The following SSBP3 variants were observed in gnomAD, a reference collection of about 807,000 sequenced individuals.
SSBP3 encodes the protein single-stranded DNA-binding protein 3.
In SSBP3, 5 loss-of-function variants were observed where a neutral mutation model predicts 69.6. The observed-to-expected ratio is 0.07, with a 90% CI of 0.04 to 0.15. SSBP3 has a LOEUF of 0.15. SSBP3 is among the 10% of genes least tolerant of loss of function. SSBP3 has a pLI of 1.00. For missense variants in SSBP3, 312 were observed against 534.0 expected, an observed-to-expected ratio of 0.58 and a Z score of 4.10; for synonymous variants, 196 against 193.4, an observed-to-expected ratio of 1.01 and a Z score of -0.11.
chr1:54,284,895 G>C (rs943707446), intron 4 of SSBP3, among the ~76,000 whole-genome samples: 9 of 152,214 alleles, frequency 5.9e-5, no homozygotes, highest in African/African-American at 2.2e-4. Flanking sequence ...ACTGAAGGTA[G>C]TGGATGGTCC....
intron 4 of SSBP3, among the ~76,000 whole-genome samples, chr1:54,289,248 T>C (rs1645561322): frequency 6.6e-6 from 1 of 152,092 alleles, no homozygotes; most frequent in African/African-American, 2.4e-5. Context: ...TTCTGACAAA[T>C]ACTTCAATGA....
intron 4 of SSBP3, among the ~76,000 whole-genome samples, chr1:54,372,518 G>A (rs1569970972): frequency 6.6e-6 from 1 of 152,096 alleles, no homozygotes; most frequent in South Asian, 2.1e-4. Context: ...CATGAGCACT[G>A]ACCACCACCT....
chr1:54,356,218 A>C (rs1205071040), intron 4 of SSBP3, among the ~76,000 whole-genome samples: 1 of 152,120 alleles, frequency 6.6e-6, no homozygotes, highest in Non-Finnish European at 1.5e-5. Context: ...AATCCCGGGG[A>C]GCTGGCCTGC....
At chr1:54,278,956 G>A (rs956286778) in intron 5 of SSBP3, among the ~76,000 whole-genome samples, 1 of 152,240 alleles carries the variant, frequency 6.6e-6, no homozygotes, top group African/African-American at 2.4e-5. Context: ...GAAATGGGCA[G>A]CCAGTACCTC....
chr1:54,381,983 C>T (rs1647690882), intron 4 of SSBP3, among the ~76,000 whole-genome samples: 1 of 152,214 alleles, frequency 6.6e-6, no homozygotes, highest in Admixed American at 6.5e-5. Context: ...CATCTGAAGT[C>T]AGGAGTTCGA....
intron 5 of SSBP3, among the ~76,000 whole-genome samples, chr1:54,276,083 TGAG>T (rs1406550365): frequency 1.3e-5 from 2 of 152,152 alleles, no homozygotes; most frequent in Admixed American, 6.5e-5. Flanking sequence ...CTGGCAGGAA[TGAG>T]GACTCAACGG....
chr1:54,332,042 C>T (rs1027102152), intron 4 of SSBP3, among the ~76,000 whole-genome samples: 1 of 152,136 alleles, frequency 6.6e-6, no homozygotes, highest in African/African-American at 2.4e-5. Context: ...CATCTTATCT[C>T]CCAGATGAGA....
intron 3 of SSBP3, among the ~76,000 whole-genome samples, chr1:54,403,437 A>G (rs1649447956): frequency 6.6e-6 from 1 of 152,184 alleles, no homozygotes; most frequent in Admixed American, 6.6e-5. Flanking sequence ...AGCCGATCAG[A>G]GCCGCCAACC....
chr1:54,274,544 C>T (rs1645251208), intron 5 of SSBP3, among the ~76,000 whole-genome samples: 1 of 152,160 alleles, frequency 6.6e-6, no homozygotes, highest in South Asian at 2.1e-4. Flanking sequence ...CTGCCTCCTG[C>T]CCCCAACCTA....
rs150463485 is a variant in SSBP3, at chr1:54,287,942, G to A, written c.277-6415C>T. 5.9e-5 allele frequency among the ~76,000 whole-genome samples: 9 copies of A among 152,234 alleles called. No individual in the cohort carries two copies. The East Asian group carries it at 1.5e-3, about 26-fold the overall frequency. On this transcript the variant is annotated intron_variant, in intron 4 of 17. Transcript: ENST00000610401. ...ACCAGCTGACGTTAAAAATAGGTTTGGATGACACACAGGAGTGACACAAGA... is the reference window on the plus strand; with the variant it reads ...ACCAGCTGACGTTAAAAATAGGTTTAGATGACACACAGGAGTGACACAAGA...
chr1:54,390,935 G>C (rs57443549), intron 4 of SSBP3, among the ~76,000 whole-genome samples: 1 of 152,364 alleles, frequency 6.6e-6, no homozygotes, highest in African/African-American at 2.4e-5. Context: ...GCACACGCCC[G>C]GCACCAGGCC....
At chr1:54,312,860 GT>G (rs985256171) in intron 4 of SSBP3, among the ~76,000 whole-genome samples, 1 of 152,140 alleles carries the variant, frequency 6.6e-6, no homozygotes, top group Non-Finnish European at 1.5e-5. Flanking sequence ...TCCAGTGGGG[GT>G]TGATTGGTCC....
chr1:54,371,748 G>A lies in SSBP3; in HGVS notation c.276+30113C>T, dbSNP rs184209699. ...GTGCTGCACTGGGCACCGTGCCCAC[G>A]TTTTATCTAATCCTGCCAAAGCTGA... is the stretch of plus-strand genomic sequence containing the variant. On this transcript the variant is annotated intron_variant, in intron 4 of 17. Transcript: ENST00000610401. Among the ~76,000 whole-genome samples the A allele has an allele frequency of 4.6e-5, 7 of 152,296 alleles. No homozygotes were observed. The East Asian group carries it at 9.7e-4, about 21-fold the overall frequency.
At chr1:54,396,992 T>C (rs988100287) in intron 4 of SSBP3, among the ~76,000 whole-genome samples, 11 of 152,160 alleles carry the variant, frequency 7.2e-5, no homozygotes, top group Non-Finnish European at 1.2e-4. Context: ...TTAAGAGGAA[T>C]TGCAGAAAAC....
intron 14 of SSBP3, chr1:54,236,444 T>C (rs1448036652): frequency 6.6e-6 from 1 of 152,204 alleles, no homozygotes; most frequent in Non-Finnish European, 1.5e-5. Context: ...TTTTTATTTT[T>C]TTGTTGCAGA....
chr1:54,359,917 G>T (rs1230041278), intron 4 of SSBP3, among the ~76,000 whole-genome samples: 1 of 151,376 alleles, frequency 6.6e-6, no homozygotes, highest in Non-Finnish European at 1.5e-5. Context: ...TCAGATCATG[G>T]GTTGATAATC....
chr1:54,253,492 T>C (rs104136), intron 7 of SSBP3, among the ~76,000 whole-genome samples: 90,816 of 152,014 alleles, frequency 0.6, 27,694 homozygotes, highest in South Asian at 0.74. Context: ...GCACCTGGCC[T>C]ACAAAGTGGC....
chr1:54,329,628 C>T (rs969907720), intron 4 of SSBP3, among the ~76,000 whole-genome samples: 20 of 152,348 alleles, frequency 1.3e-4, no homozygotes, highest in African/African-American at 4.6e-4. Context: ...ATAGGCTCTG[C>T]AAGGGTCACC....
At chr1:54,271,307 G>C (rs1451379045) in intron 5 of SSBP3, among the ~76,000 whole-genome samples, 1 of 151,956 alleles carries the variant, frequency 6.6e-6, no homozygotes, top group South Asian at 2.1e-4. Context: ...TAGAGACAGG[G>C]TCTATGTTGC....
Sources: gnomAD v4.1 joint callset for allele counts (sites outside exome capture counted in the v4.1 genomes callset) on GRCh38, gnomAD v4.1.1 for gene constraint, MANE v1.5 for transcripts, NCBI Gene and HGNC (gene_info 2026-07-23, HGNC 2026-07-21) for gene names.